The following TTC23L variants were observed in gnomAD, a reference collection of about 807,000 sequenced individuals.
TTC23L encodes tetratricopeptide repeat domain 23 like, also known as tetratricopeptide repeat protein 23-like.
TTC23L carries 42 observed loss-of-function variants against 48.1 expected under a neutral mutation model. That is an observed-to-expected ratio of 0.87 (90% confidence interval 0.68 to 1.13). The LOEUF is 1.13. TTC23L is among the 50% of genes most tolerant of loss of function. The pLI, the probability that TTC23L is intolerant of heterozygous loss-of-function variation, is 0.00. For synonymous variants in TTC23L, 159 were observed against 157.2 expected (o/e 1.01, Z -0.09); for missense variants, 391 against 421.0 (o/e 0.93, Z 0.62).
chr5:34,884,140 A>C (rs1181050842), intron 9 of TTC23L, among the ~76,000 whole-genome samples: 1 of 152,210 alleles, frequency 6.6e-6, no homozygotes, highest in Non-Finnish European at 1.5e-5. Context: ...CCTTAACAGA[A>C]TGAAGGATAA....
At chr5:34,894,777 T>TATC (rs2111837587) in intron 9 of TTC23L, among the ~76,000 whole-genome samples, 1 of 152,264 alleles carries the variant, frequency 6.6e-6, no homozygotes, top group African/African-American at 2.4e-5. Context: ...AATAATATAA[T>TATC]ATCTACTTCA....
chr5:34,852,745 A>G (rs913326727), intron 4 of TTC23L, among the ~76,000 whole-genome samples: 3 of 152,142 alleles, frequency 2.0e-5, no homozygotes, highest in Non-Finnish European at 2.9e-5. Flanking sequence ...GGTGGGGTGT[A>G]TTAGTCTGTT....
the TTC23L span, chr5:34,915,950 T>A: frequency 3.4e-6 from 5 of 1,484,046 alleles, no homozygotes; most frequent in Non-Finnish European, 4.5e-6. Context: ...TGTGCGCCTT[T>A]TCTTGGGTTA....
chr5:34,915,975 G>A, the TTC23L span: 2 of 1,434,844 alleles, frequency 1.4e-6, no homozygotes, highest in Non-Finnish European at 9.2e-7. Context: ...CTTGACTACA[G>A]CCTTGCTTAA....
chr5:34,857,251 T>C (rs1355090471), intron 4 of TTC23L, among the ~76,000 whole-genome samples: 1 of 152,162 alleles, frequency 6.6e-6, no homozygotes. Flanking sequence ...GTGAACTGTT[T>C]TCAAGTGTTC....
chr5:34,863,102 C>T lies in TTC23L; in HGVS notation c.536+48C>T. On this transcript the variant is annotated intron_variant, in intron 5 of 10. Transcript: ENST00000505624. This position sits in a 1 kb window ranked among gnomAD's most constrained non-coding sequence, Gnocchi z 4.1. ...GTTTAGTGTTCGGGGCCACAGGCCA[C>T]ACATGCCAGATGGGTCATCTCATAC... The T allele has an allele frequency of 6.2e-7, 1 of 1,608,652 alleles. No homozygotes were observed. The highest frequency in any genetic ancestry group is 1.1e-5 in the South Asian group (1 of 90,452).
At chr5:34,920,234 A>G in the TTC23L span, 2 of 156,522 alleles carry the variant, frequency 1.3e-5, no homozygotes, top group South Asian at 2.0e-4. Context: ...ATATATATAT[A>G]TAAAACCCAC....
intron 9 of TTC23L, among the ~76,000 whole-genome samples, chr5:34,886,190 A>G (rs1762526419): frequency 1.3e-5 from 2 of 152,030 alleles, no homozygotes; most frequent in African/African-American, 4.8e-5. Context: ...GTATTATATG[A>G]ATTAACTATT....
At chr5:34,891,048 A>C (rs541744403) in intron 9 of TTC23L, among the ~76,000 whole-genome samples, 1 of 152,288 alleles carries the variant, frequency 6.6e-6, no homozygotes, top group South Asian at 2.1e-4. Context: ...GAGATGATAA[A>C]TAATACAAGA....
chr5:34,859,818 T>TC (rs1760436500), intron 4 of TTC23L, among the ~76,000 whole-genome samples: 1 of 148,752 alleles, frequency 6.7e-6, no homozygotes, highest in Admixed American at 6.7e-5. Context: ...TTCTTTTTTT[T>TC]CTTTTCTTTT....
At chr5:34,890,594 A>C (rs1452206399) in intron 9 of TTC23L, among the ~76,000 whole-genome samples, 1 of 152,130 alleles carries the variant, frequency 6.6e-6, no homozygotes, top group East Asian at 1.9e-4. Flanking sequence ...TATACGTATG[A>C]GGATACCTGT....
chr5:34,847,482 T>G lies in TTC23L; in HGVS notation c.255+1809T>G, dbSNP rs1417132541. Among the ~76,000 whole-genome samples the G allele has an allele frequency of 3.9e-4, 3 of 7,674 alleles. No homozygotes were observed. In the East Asian group the frequency reaches 4.3e-3, roughly 11 times the overall value. The allele number at this position is 7,674 out of a possible 152,430, so 5.0% of individuals were successfully genotyped here. A position where few individuals can be genotyped will look rare whatever the true frequency, so the allele number is the denominator to read the frequency against. On this transcript the variant is annotated intron_variant, in intron 3 of 10. Transcript: ENST00000505624. ...ATCAGTTATAGCTCAATAACGCTGT[T>G]TTTTTTTTTTTTTTTTAAATCAAAC...
intron 1 of TTC23L, among the ~76,000 whole-genome samples, chr5:34,839,831 AT>A (rs1239648655): frequency 6.6e-6 from 1 of 152,208 alleles, no homozygotes; most frequent in Non-Finnish European, 1.5e-5. Context: ...TAGAAATCAC[AT>A]TTTTCGTTTT....
At chr5:34,841,165 T>G (rs1758637750) in intron 2 of TTC23L, among the ~76,000 whole-genome samples, 2 of 152,234 alleles carry the variant, frequency 1.3e-5, no homozygotes, top group South Asian at 4.1e-4. Context: ...TTTCCCGACT[T>G]AAGGAAATTT....
intron 4 of TTC23L, among the ~76,000 whole-genome samples, chr5:34,856,686 A>G (rs1417362156): frequency 6.6e-6 from 1 of 152,246 alleles, no homozygotes; most frequent in Non-Finnish European, 1.5e-5. Flanking sequence ...TAGAGAACAA[A>G]GGACCTTGAT....
At chr5:34,898,904 A>G (rs1011769945) in intron 10 of TTC23L, among the ~76,000 whole-genome samples, 3 of 152,276 alleles carry the variant, frequency 2.0e-5, no homozygotes, top group Middle Eastern at 3.4e-3. Context: ...TAATACATCA[A>G]ATTCCTGCTC....
intron 9 of TTC23L, among the ~76,000 whole-genome samples, chr5:34,896,542 C>A (rs559143315): frequency 6.6e-6 from 1 of 152,110 alleles, no homozygotes; most frequent in Non-Finnish European, 1.5e-5. Context: ...TTTTTGAGCA[C>A]CTACTAAGTG....
intron 2 of TTC23L, among the ~76,000 whole-genome samples, chr5:34,842,338 G>C (rs767424842): frequency 7.2e-6 from 1 of 139,420 alleles, no homozygotes; most frequent in South Asian, 2.6e-4. Context: ...TAGTTACCAA[G>C]TTGGATAGCA....
chr5:34,848,324 A>G (rs943840380), intron 3 of TTC23L, among the ~76,000 whole-genome samples: 11 of 152,312 alleles, frequency 7.2e-5, no homozygotes, highest in Middle Eastern at 3.4e-3. Flanking sequence ...TGTCATTTCT[A>G]TAGGGGTAGA....
Sources: allele counts gnomAD v4.1 joint callset (sites outside exome capture counted in the v4.1 genomes callset), GRCh38; gene constraint gnomAD v4.1.1; non-coding constraint Gnocchi (gnomAD v3.1); transcripts MANE v1.5; gene names NCBI Gene and HGNC (gene_info 2026-07-23, HGNC 2026-07-21).